ARFGEF3: variants seen among roughly 807,000 people sequenced by gnomAD.
The protein encoded by ARFGEF3 is brefeldin A-inhibited guanine nucleotide-exchange protein 3.
A neutral mutation model predicts 221.7 loss-of-function variants in ARFGEF3; 96 were observed. The observed-to-expected ratio is 0.43, with a 90% confidence interval of 0.37 to 0.51. ARFGEF3 has a LOEUF of 0.51. ARFGEF3 is among the 20% of genes least tolerant of loss of function. The pLI, the probability that ARFGEF3 is intolerant of heterozygous loss-of-function variation, is 0.00. For missense variants in ARFGEF3, 2,410 were observed against 2,789.9 expected, an observed-to-expected ratio of 0.86 and a Z score of 3.07; for synonymous variants, 1,145 against 1,126.8, an observed-to-expected ratio of 1.02 and a Z score of -0.32.
At chr6:138,210,692 C>A (rs1396865498) in intron 4 of ARFGEF3, among the ~76,000 whole-genome samples, 2 of 152,038 alleles carry the variant, frequency 1.3e-5, no homozygotes, top group African/African-American at 4.8e-5. Context: ...CGTAACAGCA[C>A]CTTGGTCATG....
chr6:138,320,674 G>A (rs115996625), intron 28 of ARFGEF3, among the ~76,000 whole-genome samples: 167 of 152,300 alleles, frequency 1.1e-3, no homozygotes, highest in African/African-American at 3.4e-3. Flanking sequence ...TCTCTATTAA[G>A]TTTAGCAAGG....
At chr6:138,328,801 G>A (rs1167384504) in intron 32 of ARFGEF3, among the ~76,000 whole-genome samples, 2 of 152,096 alleles carry the variant, frequency 1.3e-5, no homozygotes, top group Non-Finnish European at 2.9e-5. Context: ...ACTAGTCTGA[G>A]TAACATAGTA....
chr6:138,289,760 C>G, intron 17 of ARFGEF3, 58 bp from the exon 18 acceptor site: 2 of 1,546,008 alleles, frequency 1.3e-6, no homozygotes, highest in South Asian at 2.4e-5. Flanking sequence ...CTTTCATTTT[C>G]ATTCTTTCTG....
chr6:138,276,496 T>C (rs1050998650), intron 12 of ARFGEF3, among the ~76,000 whole-genome samples: 1 of 152,136 alleles, frequency 6.6e-6, no homozygotes, highest in Non-Finnish European at 1.5e-5. Flanking sequence ...GTATAAAATG[T>C]CTTTTAAAAG....
rs1210346092 is a variant in ARFGEF3, at chr6:138,291,864, G to T, written c.3179G>T (p.Gly1060Val). The change falls in exon 19 of 34, where the codon GGC (glycine) becomes GTC (valine). Residue 1060 changes from glycine to valine, a missense_variant. Gly to Val is a moderately radical substitution (Grantham distance 109). Coordinates refer to ENST00000251691, the MANE Select transcript of ARFGEF3 (RefSeq NM_020340.5). This position sits in a 1 kb window ranked among gnomAD's most constrained non-coding sequence, Gnocchi z 4.5. ...AGLLGDPECE[G>V]SPPEHSPEQG... ...CTCCTTGGGGACCCCGAGTGTGAGG[G>T]CTCGCCCCCCGAGCACAGCCCGGAG... 1.3e-6 allele frequency: 2 copies of T among 1,498,402 alleles called. No homozygotes were observed. Among genetic ancestry groups the T allele is most frequent in the East Asian group, 2.7e-5 (1 of 37,334 alleles). The allele number at this position is 1,498,402 out of a possible 1,614,324, so 92.8% of individuals were successfully genotyped here.
chr6:138,318,587 A>C (rs1456279192), intron 27 of ARFGEF3, among the ~76,000 whole-genome samples: 1 of 152,262 alleles, frequency 6.6e-6, no homozygotes, highest in Non-Finnish European at 1.5e-5. Context: ...AATCTCAACT[A>C]TATGAAATTT....
Position 138,319,603 on chromosome 6 carries a change from C to T in ARFGEF3, c.4475-100C>T, listed in dbSNP as rs111756810. 75 of 797,416 alleles carry T rather than the reference C, an allele frequency of 9.4e-5. No individual in the cohort carries two copies. The African/African-American group carries it at 1.1e-3, about 12-fold the overall frequency. 49.4% of individuals were successfully genotyped at this position (797,416 alleles called of 1,614,324 possible). A position where few individuals can be genotyped will look rare whatever the true frequency, so the allele number is the denominator to read the frequency against. ...ATTATTTTTCCCTGCACTTTCTCAGCAAATGTAGGGATCCTTCCAAAGAGA... is the reference window on the plus strand; with the variant it reads ...ATTATTTTTCCCTGCACTTTCTCAGTAAATGTAGGGATCCTTCCAAAGAGA... On this transcript the variant is annotated intron_variant, in intron 27 of 33. Coordinates refer to ENST00000251691, the MANE Select transcript of ARFGEF3 (RefSeq NM_020340.5).
chr6:138,162,224 G>A lies in ARFGEF3; in HGVS notation c.85+53G>A. The A allele has an allele frequency of 7.1e-7, 1 of 1,410,166 alleles. No individual in the cohort carries two copies. Among genetic ancestry groups the A allele is most frequent in the Non-Finnish European group, 9.7e-7 (1 of 1,027,174 alleles). 87.4% of individuals were successfully genotyped at this position (1,410,166 alleles called of 1,614,324 possible). On this transcript the variant is annotated intron_variant, in intron 1 of 33. Coordinates refer to ENST00000251691, the MANE Select transcript of ARFGEF3 (RefSeq NM_020340.5). The surrounding 1 kb of genome is among the most constrained non-coding windows in gnomAD (Gnocchi z 4.7). ...GCGGGAGGGCCGCGCGGCCGGGGCTGAACCCGCGCCTCCGCGCGTGGGGCT... is the reference window on the plus strand; with the variant it reads ...GCGGGAGGGCCGCGCGGCCGGGGCTAAACCCGCGCCTCCGCGCGTGGGGCT...
At chr6:138,230,661 A>G (rs1778175266) in intron 5 of ARFGEF3, among the ~76,000 whole-genome samples, 1 of 152,208 alleles carries the variant, frequency 6.6e-6, no homozygotes, top group Admixed American at 6.5e-5. Context: ...GGTATTAAAC[A>G]GTGAAAATTA....
intron 31 of ARFGEF3, among the ~76,000 whole-genome samples, chr6:138,326,813 A>G (rs1583069161): frequency 6.6e-6 from 1 of 152,226 alleles, no homozygotes; most frequent in Admixed American, 6.5e-5. Context: ...ATGCACATGT[A>G]TGTTCACTGC....
At chr6:138,250,361 G>C (rs1778557201) in intron 8 of ARFGEF3, among the ~76,000 whole-genome samples, 1 of 151,974 alleles carries the variant, frequency 6.6e-6, no homozygotes, top group African/African-American at 2.4e-5. Flanking sequence ...GACTTAGAAA[G>C]ATACTTACTT....
chr6:138,236,425 A>G (rs1170662925), intron 5 of ARFGEF3, among the ~76,000 whole-genome samples: 1 of 152,238 alleles, frequency 6.6e-6, no homozygotes, highest in Non-Finnish European at 1.5e-5. Context: ...ATTTAGATGT[A>G]TCTTCAAAGT....
intron 27 of ARFGEF3, among the ~76,000 whole-genome samples, chr6:138,318,524 C>T (rs112793231): frequency 0.012 from 1,882 of 152,216 alleles, 12 homozygotes; most frequent in Non-Finnish European, 0.019. Context: ...TATTTAATGA[C>T]GTGAATAATT....
intron 1 of ARFGEF3, among the ~76,000 whole-genome samples, chr6:138,168,253 G>A (rs1262822230): frequency 1.3e-5 from 2 of 152,094 alleles, no homozygotes; most frequent in East Asian, 3.8e-4. Context: ...GCTAAGAAAG[G>A]GAAAACATAA....
At chr6:138,295,697 C>A (rs535597791) in intron 20 of ARFGEF3, among the ~76,000 whole-genome samples, 1 of 151,958 alleles carries the variant, frequency 6.6e-6, no homozygotes, top group African/African-American at 2.4e-5. Context: ...CTTACAGAAC[C>A]AACACAGTGT....
chr6:138,213,262 T>C (rs928292988), intron 4 of ARFGEF3, among the ~76,000 whole-genome samples: 43 of 139,492 alleles, frequency 3.1e-4, no homozygotes, highest in African/African-American at 1.2e-3. Flanking sequence ...CACTCCAGCC[T>C]GGGCGACAGA....
intron 29 of ARFGEF3, among the ~76,000 whole-genome samples, chr6:138,321,612 G>A (rs1780028363): frequency 6.6e-6 from 1 of 152,168 alleles, no homozygotes. Context: ...GGAGAAAAGG[G>A]AACCCTCGTA....
chr6:138,285,701 A>G lies in ARFGEF3; in HGVS notation c.2462-245A>G, dbSNP rs115650756. Among the ~76,000 whole-genome samples, 815 of 152,328 alleles carry G rather than the reference A, an allele frequency of 5.4e-3. 7 individuals are homozygous for G. The highest frequency in any genetic ancestry group is 0.019 in the African/African-American group (777 of 41,584). ...TCTAACAGAGAAATAATAATTTATA[A>G]TGTACATCTATTTTTAAATAAAGAT... On this transcript the variant is annotated intron_variant, in intron 14 of 33. Coordinates refer to ENST00000251691, the MANE Select transcript of ARFGEF3 (RefSeq NM_020340.5).
intron 10 of ARFGEF3, among the ~76,000 whole-genome samples, chr6:138,259,036 T>A (rs775933932): frequency 1.2e-4 from 18 of 152,222 alleles, no homozygotes; most frequent in Non-Finnish European, 1.2e-4. Context: ...GAGGCTCGAA[T>A]TTGATGGTAG....
Sources: gnomAD v4.1 joint callset for allele counts (sites outside exome capture counted in the v4.1 genomes callset) on GRCh38, gnomAD v4.1.1 for gene constraint, Gnocchi (gnomAD v3.1) non-coding constraint, MANE v1.5 for transcripts, NCBI Gene and HGNC (gene_info 2026-07-23, HGNC 2026-07-21) for gene names.